Variants in NOVA1 observed in about 807,000 individuals in gnomAD.
The protein encoded by NOVA1 is RNA-binding protein Nova-1.
Under a neutral mutation model 38.0 loss-of-function variants are expected in NOVA1, and 7 were observed. The ratio of observed to expected loss-of-function variants is 0.18; its 90% CI spans 0.10 to 0.35. NOVA1 has a LOEUF of 0.35. NOVA1 is among the 10% of genes least tolerant of loss of function. The pLI is 1.00. For synonymous variants in NOVA1, 270 were observed against 232.5 expected (o/e 1.16, Z -1.47); for missense variants, 460 against 616.0 (o/e 0.75, Z 2.68).
In NOVA1 at chr14:26,597,515, T is replaced by TC. The variant is rs1373093646; in HGVS notation, c.-80_-79insG. Reference sequence around the variant, plus strand: ...TTTTTCTTTTCTTTTTTCTTTTTTTTTTTTTTTTTTTTTTGCGTTTGGGGT... The same window carrying TC: ...TTTTTCTTTTCTTTTTTCTTTTTTTTCTTTTTTTTTTTTTTGCGTTTGGGGT... On this transcript the variant is annotated 5_prime_UTR_variant, in exon 1 of 5. Transcript: ENST00000539517. The TC allele has an allele frequency of 6.9e-6, 8 of 1,158,108 alleles. No individual in the cohort carries two copies. The highest frequency in any genetic ancestry group is 4.7e-5 in the Admixed American group (1 of 21,070). The allele number at this position is 1,158,108 out of a possible 1,614,324, so 71.7% of individuals were successfully genotyped here.
At chr14:26,512,952 T>C (rs965766714) in intron 2 of NOVA1, among the ~76,000 whole-genome samples, 1 of 151,972 alleles carries the variant, frequency 6.6e-6, no homozygotes, top group African/African-American at 2.4e-5. Flanking sequence ...AATTTTCAAG[T>C]GTATAAAAAA....
chr14:26,533,427 AC>A (rs1248810969), intron 2 of NOVA1, among the ~76,000 whole-genome samples: 2 of 152,168 alleles, frequency 1.3e-5, no homozygotes, highest in East Asian at 3.9e-4. Flanking sequence ...CTGATGATAA[AC>A]CCAGAATGAA....
At chr14:26,584,717 T>G (rs1296251231) in intron 2 of NOVA1, among the ~76,000 whole-genome samples, 1 of 151,448 alleles carries the variant, frequency 6.6e-6, no homozygotes, top group Non-Finnish European at 1.5e-5. Context: ...TCCACTTTTG[T>G]TCACCAAGCA....
chr14:26,559,091 A>T (rs75885558), intron 2 of NOVA1, among the ~76,000 whole-genome samples: 1 of 152,132 alleles, frequency 6.6e-6, no homozygotes, highest in Non-Finnish European at 1.5e-5. Flanking sequence ...TTAAAAAAAA[A>T]GTTGCGATTA....
At chr14:26,562,358 GA>G (rs1344195062) in intron 2 of NOVA1, among the ~76,000 whole-genome samples, 1 of 152,102 alleles carries the variant, frequency 6.6e-6, no homozygotes, top group Non-Finnish European at 1.5e-5. Flanking sequence ...AGTATCAAAT[GA>G]AAATCTATAC....
chr14:26,518,609 T>C (rs551725461), intron 2 of NOVA1, among the ~76,000 whole-genome samples: 1 of 152,092 alleles, frequency 6.6e-6, no homozygotes, highest in Non-Finnish European at 1.5e-5. Context: ...CAAATGAGGG[T>C]ATTTAGCATA....
rs150375642 is a variant in NOVA1 at position 26,545,213 on chromosome 14, G to A, written c.280+50197C>T. ...AAGTACAAAGGCAGTTACATTACAT[G>A]CAATAATTGCTGAAAAGAATAAACA... On this transcript the variant is annotated intron_variant, in intron 2 of 4. Transcript: ENST00000539517. Among the ~76,000 whole-genome samples, 187 of 152,028 alleles carry A rather than the reference G, an allele frequency of 1.2e-3. 1 individual carries two copies. Among genetic ancestry groups the A allele is most frequent in the African/African-American group, 4.2e-3 (176 of 41,526 alleles).
intron 2 of NOVA1, among the ~76,000 whole-genome samples, chr14:26,592,547 T>C (rs895228201): frequency 2.6e-5 from 4 of 151,550 alleles, no homozygotes; most frequent in Admixed American, 2.0e-4. Context: ...AATTGAAGAA[T>C]ACATTTTACA....
At position 26,597,549 on chromosome 14, in the gene NOVA1, G is replaced by A. The variant is rs1294909903; in HGVS notation, c.-113C>T. Reference sequence around the variant, plus strand: ...TTTTTTGCGTTTGGGGTTTCTTAAGGTTTTTTTTTTTTAATCGGATCAATA... The same window carrying A: ...TTTTTTGCGTTTGGGGTTTCTTAAGATTTTTTTTTTTTAATCGGATCAATA... On this transcript the variant is annotated 5_prime_UTR_variant, in exon 1 of 5. Transcript: ENST00000539517. 1 of 741,168 alleles carries A rather than the reference G, an allele frequency of 1.3e-6. No individual in the cohort carries two copies. The highest frequency in any genetic ancestry group is 6.3e-5 in the East Asian group (1 of 15,846). 45.9% of individuals were successfully genotyped at this position (741,168 alleles called of 1,614,324 possible).
intron 2 of NOVA1, among the ~76,000 whole-genome samples, chr14:26,509,899 C>T (rs150533263): frequency 0.011 from 1,707 of 152,250 alleles, 22 homozygotes; most frequent in Middle Eastern, 0.058. Flanking sequence ...AGGTTGGTCT[C>T]AAACTCCTGA....
intron 4 of NOVA1, among the ~76,000 whole-genome samples, chr14:26,454,459 T>A (rs901331585): frequency 2.0e-4 from 31 of 152,226 alleles, no homozygotes; most frequent in Non-Finnish European, 3.1e-4. Context: ...CTTACCACTA[T>A]TATGAGAAGA....
chr14:26,570,818 C>T lies in NOVA1; in HGVS notation c.280+24592G>A, dbSNP rs150491644. ...TTTTATATTACACAGATAATTCACC[C>T]CTAATAAAGTATTCCAAACCAACCT... On this transcript the variant is annotated intron_variant, in intron 2 of 4. Coordinates refer to ENST00000539517, the MANE Select transcript of NOVA1 (RefSeq NM_002515.3). Among the ~76,000 whole-genome samples, 44 of 152,186 alleles carry T rather than the reference C, an allele frequency of 2.9e-4. No individual in the cohort carries two copies. The East Asian group carries it at 8.3e-3, about 29-fold the overall frequency.
At chr14:26,574,972 C>A (rs1039124257) in intron 2 of NOVA1, among the ~76,000 whole-genome samples, 15 of 152,098 alleles carry the variant, frequency 9.9e-5, no homozygotes, top group Admixed American at 9.8e-4. Context: ...CCTATACTGT[C>A]TTTTTATGTT....
rs1420411346 is a variant in NOVA1 at position 26,487,275 on chromosome 14, CCTTT to C, written c.281-7136_281-7133del. 3.3e-5 allele frequency among the ~76,000 whole-genome samples: 5 copies of C among 152,082 alleles called. No individual in the cohort carries two copies. In the East Asian group the frequency reaches 5.8e-4, roughly 18 times the overall value. On this transcript the variant is annotated intron_variant, in intron 2 of 4. Transcript: ENST00000539517. ...GCTCACAACTACAGACCTTTTGTTT[CCTTT>C]CTATGTCCCTATACGCATACGGAAT... is the stretch of plus-strand genomic sequence containing the variant.
chr14:26,530,198 G>A (rs1012511225), intron 2 of NOVA1, among the ~76,000 whole-genome samples: 46 of 152,178 alleles, frequency 3.0e-4, no homozygotes, highest in Non-Finnish European at 6.0e-4. Context: ...GATTACAGGC[G>A]TGAGCCACGC....
intron 2 of NOVA1, among the ~76,000 whole-genome samples, chr14:26,520,466 C>A (rs1888787878): frequency 6.6e-6 from 1 of 152,142 alleles, no homozygotes; most frequent in South Asian, 2.1e-4. Flanking sequence ...TTAGACAGCA[C>A]TTCAGCACTG....
At chr14:26,461,314 AC>A (rs1883645755) in intron 4 of NOVA1, among the ~76,000 whole-genome samples, 1 of 152,166 alleles carries the variant, frequency 6.6e-6, no homozygotes, top group Non-Finnish European at 1.5e-5. Flanking sequence ...AAACTTAAAA[AC>A]GTCTTCATAT....
intron 2 of NOVA1, among the ~76,000 whole-genome samples, chr14:26,568,950 G>T (rs1438652313): frequency 6.6e-6 from 1 of 152,060 alleles, no homozygotes; most frequent in Non-Finnish European, 1.5e-5. Context: ...CATACCTGGT[G>T]GTTAAAATAA....
intron 2 of NOVA1, among the ~76,000 whole-genome samples, chr14:26,492,788 G>A (rs1886444847): frequency 8.8e-6 from 1 of 113,736 alleles, no homozygotes; most frequent in African/African-American, 3.1e-5. Context: ...CCAACATGGT[G>A]AAACCCCATC....
Sources: allele counts gnomAD v4.1 joint callset (sites outside exome capture counted in the v4.1 genomes callset), GRCh38; gene constraint gnomAD v4.1.1; transcripts MANE v1.5; gene names NCBI Gene and HGNC (gene_info 2026-07-23, HGNC 2026-07-21).